The following RBMS3 variants were observed in gnomAD, a reference collection of about 807,000 sequenced individuals.
The protein encoded by RBMS3 is RNA binding motif single stranded interacting protein 3.
RBMS3 carries 27 observed loss-of-function variants against 66.8 expected under a neutral mutation model. The observed-to-expected ratio is 0.40, with a 90% CI of 0.30 to 0.56. The LOEUF (loss-of-function observed/expected upper bound fraction) is 0.56, where lower values mean the gene tolerates loss of function less well. Ranked by LOEUF, RBMS3 falls within the 20% of genes least tolerant of loss-of-function variation. The pLI is 0.40. For missense variants in RBMS3, 513 were observed against 549.5 expected (o/e 0.93, Z 0.66); for synonymous variants, 188 against 183.0 (o/e 1.03, Z -0.22).
chr3:29,992,324 C>T (rs1698934213), intron 14 of RBMS3, among the ~76,000 whole-genome samples: 1 of 152,144 alleles, frequency 6.6e-6, no homozygotes, highest in Admixed American at 6.5e-5. Flanking sequence ...CAGTGGCTCA[C>T]GCCTGTAATC....
intron 1 of RBMS3, among the ~76,000 whole-genome samples, chr3:29,365,858 A>T (rs1168553509): frequency 6.6e-6 from 1 of 152,112 alleles, no homozygotes; most frequent in East Asian, 1.9e-4. Context: ...TTACATTTTC[A>T]TTGACTTTCT....
chr3:29,880,395 G>A (rs570824769), intron 7 of RBMS3, among the ~76,000 whole-genome samples: 5 of 152,110 alleles, frequency 3.3e-5, no homozygotes, highest in Admixed American at 1.3e-4. Flanking sequence ...TTGTTCCAAG[G>A]TATTTTACTT....
chr3:29,729,588 A>G (rs191086700), intron 4 of RBMS3, among the ~76,000 whole-genome samples: 2 of 152,212 alleles, frequency 1.3e-5, no homozygotes, highest in Admixed American at 1.3e-4. Context: ...GGTTGAACTA[A>G]TTTACACTCC....
intron 4 of RBMS3, among the ~76,000 whole-genome samples, chr3:29,720,627 G>A (rs1185419753): frequency 1.3e-5 from 2 of 151,218 alleles, no homozygotes; most frequent in Non-Finnish European, 2.9e-5. Flanking sequence ...TTTTTTTGTT[G>A]TATTGGCATT....
At chr3:29,453,906 G>A (rs1431311280) in intron 2 of RBMS3, among the ~76,000 whole-genome samples, 2 of 152,164 alleles carry the variant, frequency 1.3e-5, no homozygotes, top group African/African-American at 4.8e-5. Context: ...GGGACCTGGT[G>A]AGCAAACTTG....
chr3:29,988,178 C>T lies in RBMS3; in HGVS notation c.1134C>T (p.Tyr378=). Residue 378 remains tyrosine (Y), a synonymous_variant, in exon 13 of 15, where the codon TAC becomes TAT. Transcript: ENST00000383767. The part of the protein sequence containing the change: ...MTAAAPMQGT[Y]IPQYTPVPPT... ...CTGCTGCTCCTATGCAAGGGACCTA[C>T]ATTCCTCAGTACACGCCTGTGCCTC... 1 of 1,613,384 alleles carries T rather than the reference C, an allele frequency of 6.2e-7. No individual in the cohort carries two copies. The highest frequency in any genetic ancestry group is 8.5e-7 in the Non-Finnish European group (1 of 1,179,412).
intron 4 of RBMS3, among the ~76,000 whole-genome samples, chr3:29,640,303 A>C (rs1159804206): frequency 6.6e-6 from 1 of 151,152 alleles, no homozygotes; most frequent in African/African-American, 2.4e-5. Flanking sequence ...CACACGAAAG[A>C]CGGAAAGAAA....
At chr3:29,725,947 C>T (rs563873000) in intron 4 of RBMS3, among the ~76,000 whole-genome samples, 113 of 152,128 alleles carry the variant, frequency 7.4e-4, no homozygotes, top group African/African-American at 2.6e-3. Context: ...AACATGGATG[C>T]GAAAATCCTC....
At chr3:29,648,446 T>C (rs2050025150) in intron 4 of RBMS3, among the ~76,000 whole-genome samples, 1 of 151,708 alleles carries the variant, frequency 6.6e-6, no homozygotes, top group South Asian at 2.1e-4. Flanking sequence ...CTAAGTTTTG[T>C]ATTTTTTGTA....
At chr3:29,927,640 G>A (rs942442871) in intron 10 of RBMS3, among the ~76,000 whole-genome samples, 1 of 152,148 alleles carries the variant, frequency 6.6e-6, no homozygotes, top group Non-Finnish European at 1.5e-5. Context: ...TAGAAGCCTA[G>A]CGTTGCAGGC....
intron 10 of RBMS3, among the ~76,000 whole-genome samples, chr3:29,916,618 A>G (rs1476063201): frequency 1.3e-5 from 2 of 151,990 alleles, no homozygotes; most frequent in Non-Finnish European, 2.9e-5. Context: ...TAATTATCAC[A>G]TCAGTCTAGC....
At chr3:29,957,160 G>C (rs190857853) in intron 12 of RBMS3, among the ~76,000 whole-genome samples, 1 of 152,006 alleles carries the variant, frequency 6.6e-6, no homozygotes, top group African/African-American at 2.4e-5. Context: ...TAGGTGTCTG[G>C]GAATACCTTT....
intron 3 of RBMS3, among the ~76,000 whole-genome samples, chr3:29,559,428 T>C (rs1264148655): frequency 2.1e-5 from 3 of 144,618 alleles, no homozygotes; most frequent in Non-Finnish European, 4.5e-5. Flanking sequence ...GGAGAGTCAC[T>C]TGAACCTGGG....
intron 1 of RBMS3, among the ~76,000 whole-genome samples, chr3:29,386,247 C>T (rs563287395): frequency 2.4e-4 from 36 of 152,140 alleles, no homozygotes; most frequent in South Asian, 4.2e-4. Context: ...AGTGGGTTCT[C>T]GGTGCTGCCA....
At chr3:29,558,716 G>T (rs1312011244) in intron 3 of RBMS3, among the ~76,000 whole-genome samples, 2 of 152,058 alleles carry the variant, frequency 1.3e-5, no homozygotes, top group East Asian at 1.9e-4. Flanking sequence ...TACATAAAAG[G>T]TTTATGTAAA....
At position 29,455,803 on chromosome 3, in the gene RBMS3, C is replaced by CA. The variant is rs1156784644; in HGVS notation, c.248+20901dup. On this transcript the variant is annotated intron_variant, in intron 2 of 14. Transcript: ENST00000383767. ...TAAACAGCAAAATCACACACACGCA[C>CA]AAAAAAAAAAAAATCACAAAAATGT... 2.6e-3 allele frequency among the ~76,000 whole-genome samples: 301 copies of CA among 116,814 alleles called. 1 individual carries two copies. The highest frequency in any genetic ancestry group is 0.013 in the Middle Eastern group (3 of 236). The allele number at this position is 116,814 out of a possible 152,430, so 76.6% of individuals were successfully genotyped here.
intron 6 of RBMS3, among the ~76,000 whole-genome samples, chr3:29,775,472 G>A (rs1040950946): frequency 3.9e-5 from 6 of 151,912 alleles, no homozygotes; most frequent in African/African-American, 1.4e-4. Context: ...TGCAATTGTG[G>A]GAATGGAATT....
intron 3 of RBMS3, among the ~76,000 whole-genome samples, chr3:29,513,647 A>G (rs1489509107): frequency 6.6e-6 from 1 of 151,972 alleles, no homozygotes; most frequent in Non-Finnish European, 1.5e-5. Context: ...AGAATGATCT[A>G]TATATATAAT....
chr3:29,691,986 G>C lies in RBMS3; in HGVS notation c.400-47734G>C, dbSNP rs1432604372. On this transcript the variant is annotated intron_variant, in intron 4 of 14. Coordinates refer to ENST00000383767, the MANE Select transcript of RBMS3 (RefSeq NM_001003793.3). Reference sequence around the variant, plus strand: ...TTTTTTTGAGATGGAGTATCCCTCTGTCGCCCAGGCTGGAGTGCAATGGCA... The same window carrying C: ...TTTTTTTGAGATGGAGTATCCCTCTCTCGCCCAGGCTGGAGTGCAATGGCA... Among the ~76,000 whole-genome samples, 3 of 83,280 alleles carry C rather than the reference G, an allele frequency of 3.6e-5. 1 individual carries two copies. Among genetic ancestry groups the C allele is most frequent in the African/African-American group, 1.3e-4 (3 of 22,492 alleles). 54.6% of individuals were successfully genotyped at this position (83,280 alleles called of 152,430 possible).
Sources: gnomAD v4.1 joint callset for allele counts (sites outside exome capture counted in the v4.1 genomes callset) on GRCh38, gnomAD v4.1.1 for gene constraint, MANE v1.5 for transcripts, NCBI Gene and HGNC (gene_info 2026-07-23, HGNC 2026-07-21) for gene names.